Variants in CNTNAP2 observed in about 807,000 individuals in gnomAD.
CNTNAP2 encodes contactin-associated protein-like 2.
CNTNAP2 carries 98 observed loss-of-function variants against 155.2 expected under a neutral mutation model. That is an observed-to-expected ratio of 0.63 (90% CI 0.54 to 0.75). The LOEUF (loss-of-function observed/expected upper bound fraction) is 0.75. Among genes scored for constraint, CNTNAP2 ranks in the 30% least tolerant of loss-of-function variants. The probability of loss-of-function intolerance (pLI) is 0.00; values close to 1 mark genes in which losing one functional copy is unlikely to be tolerated. For synonymous variants in CNTNAP2, 651 were observed against 631.2 expected (o/e 1.03, Z -0.47); for missense variants, 1,727 against 1,688.1 (o/e 1.02, Z -0.40).
At chr7:147,168,496 T>C (rs1802165735) in intron 8 of CNTNAP2, among the ~76,000 whole-genome samples, 1 of 152,108 alleles carries the variant, frequency 6.6e-6, no homozygotes, top group Non-Finnish European at 1.5e-5. Flanking sequence ...ATAATCTTCA[T>C]AATATTCCCA....
chr7:147,247,980 A>G (rs1804103308), intron 8 of CNTNAP2, among the ~76,000 whole-genome samples: 1 of 152,228 alleles, frequency 6.6e-6, no homozygotes, highest in Non-Finnish European at 1.5e-5. Flanking sequence ...AGGAGGCCAG[A>G]AAGAAAAGAA....
chr7:147,453,760 C>A (rs1408773766), intron 10 of CNTNAP2, among the ~76,000 whole-genome samples: 2 of 152,028 alleles, frequency 1.3e-5, no homozygotes, highest in Non-Finnish European at 2.9e-5. Flanking sequence ...AGTAACAAAC[C>A]TGCACTTGTA....
At chr7:146,364,170 A>G (rs1057361859) in intron 1 of CNTNAP2, among the ~76,000 whole-genome samples, 9 of 152,192 alleles carry the variant, frequency 5.9e-5, no homozygotes, top group African/African-American at 1.9e-4. Flanking sequence ...TTAAATTTTT[A>G]ATTAACAGGC....
intron 3 of CNTNAP2, among the ~76,000 whole-genome samples, chr7:146,933,460 T>C (rs1161313601): frequency 7.1e-4 from 108 of 151,390 alleles, no homozygotes; most frequent in Admixed American, 1.2e-3. Context: ...AAGACTTAAA[T>C]GTTAGACCTA....
rs539190758 is a variant in CNTNAP2 at position 146,871,537 on chromosome 7, A to T, written c.402+31633A>T. Among the ~76,000 whole-genome samples the T allele has an allele frequency of 1.9e-3, 289 of 151,978 alleles. 2 individuals carry two copies. The highest frequency in any genetic ancestry group is 6.7e-3 in the African/African-American group (280 of 41,492). ...TGAGCAAGGCTCCGTCTAAAAAAAA[A>T]TAAATAAATAAATTAAATAAATAAA... On this transcript the variant is annotated intron_variant, in intron 3 of 23. Coordinates refer to ENST00000361727, the MANE Select transcript of CNTNAP2 (RefSeq NM_014141.6).
At chr7:146,841,158 G>A (rs903499927) in intron 3 of CNTNAP2, among the ~76,000 whole-genome samples, 2 of 152,198 alleles carry the variant, frequency 1.3e-5, no homozygotes, top group African/African-American at 4.8e-5. Flanking sequence ...GTTGGTCTAA[G>A]GTGCAGCCTG....
chr7:147,119,473 C>T (rs1378075827), intron 5 of CNTNAP2, among the ~76,000 whole-genome samples: 1 of 152,176 alleles, frequency 6.6e-6, no homozygotes, highest in East Asian at 1.9e-4. Context: ...GCTGCTCAGT[C>T]TACTAGTGTA....
At chr7:146,682,041 T>A (rs1413576319) in intron 1 of CNTNAP2, among the ~76,000 whole-genome samples, 1 of 152,130 alleles carries the variant, frequency 6.6e-6, no homozygotes, top group Non-Finnish European at 1.5e-5. Flanking sequence ...TCATATATCA[T>A]CACTTTGGTG....
intron 1 of CNTNAP2, among the ~76,000 whole-genome samples, chr7:146,139,098 A>G (rs73452036): frequency 0.021 from 3,133 of 152,170 alleles, 118 homozygotes; most frequent in African/African-American, 0.072. Context: ...ATGATCCACT[A>G]TAGTGTATTG....
intron 9 of CNTNAP2, among the ~76,000 whole-genome samples, chr7:147,388,178 A>G (rs1018485853): frequency 2.6e-5 from 4 of 152,082 alleles, no homozygotes; most frequent in African/African-American, 7.2e-5. Context: ...TTGTATGCAA[A>G]TTGCCCTTAA....
chr7:148,035,449 C>G (rs927982917), intron 15 of CNTNAP2, among the ~76,000 whole-genome samples: 1 of 152,172 alleles, frequency 6.6e-6, no homozygotes, highest in African/African-American at 2.4e-5. Context: ...TCCAGTGTAG[C>G]AGTCCTCGAC....
intron 1 of CNTNAP2, among the ~76,000 whole-genome samples, chr7:146,184,436 G>T (rs1209688747): frequency 2.0e-5 from 3 of 152,160 alleles, no homozygotes; most frequent in Non-Finnish European, 2.9e-5. Context: ...GAAGCCTACT[G>T]TAAGAAATTA....
chr7:146,293,061 A>C (rs1279847948), intron 1 of CNTNAP2, among the ~76,000 whole-genome samples: 1 of 152,180 alleles, frequency 6.6e-6, no homozygotes, highest in Non-Finnish European at 1.5e-5. Context: ...TGATTTAATT[A>C]TTCAATATTG....
At chr7:148,132,014 C>A (rs2906312) in intron 16 of CNTNAP2, among the ~76,000 whole-genome samples, 40,716 of 152,044 alleles carry the variant, frequency 0.27, 5,625 homozygotes, top group East Asian at 0.35. Flanking sequence ...CTATCAAACA[C>A]TGAAATCAAA....
At chr7:146,255,202 G>A (rs1177912927) in intron 1 of CNTNAP2, among the ~76,000 whole-genome samples, 4 of 152,164 alleles carry the variant, frequency 2.6e-5, no homozygotes, top group African/African-American at 4.8e-5. Flanking sequence ...TGCCAAAAGA[G>A]CTGAGTAGAA....
chr7:146,756,169 A>G (rs1255866706), intron 1 of CNTNAP2, among the ~76,000 whole-genome samples: 1 of 152,010 alleles, frequency 6.6e-6, no homozygotes, highest in Non-Finnish European at 1.5e-5. Flanking sequence ...ACTACCTACA[A>G]AATTGTATTT....
At chr7:146,534,538 G>A (rs903889287) in intron 1 of CNTNAP2, among the ~76,000 whole-genome samples, 3 of 152,050 alleles carry the variant, frequency 2.0e-5, no homozygotes, top group East Asian at 1.9e-4. Flanking sequence ...GACCCTATGC[G>A]TAGAAAAGTT....
chr7:146,330,241 C>T (rs566620444), intron 1 of CNTNAP2, among the ~76,000 whole-genome samples: 2 of 152,060 alleles, frequency 1.3e-5, no homozygotes, highest in South Asian at 2.1e-4. Flanking sequence ...AGGCTGGTCT[C>T]GAACTCCCGA....
intron 3 of CNTNAP2, among the ~76,000 whole-genome samples, chr7:146,968,774 T>C (rs1026010350): frequency 2.2e-4 from 33 of 151,756 alleles, no homozygotes; most frequent in South Asian, 4.2e-4. Context: ...CCTGGATTCA[T>C]TAATTTTTTG....
Sources: allele counts gnomAD v4.1 joint callset (sites outside exome capture counted in the v4.1 genomes callset), GRCh38; gene constraint gnomAD v4.1.1; transcripts MANE v1.5; gene names NCBI Gene and HGNC (gene_info 2026-07-23, HGNC 2026-07-21).